The following PNO1 variants were observed in gnomAD, a reference collection of about 807,000 sequenced individuals.
PNO1 encodes partner of NOB1 homolog, also known as RNA-binding protein PNO1.
In PNO1, 16 loss-of-function variants were observed where a neutral mutation model predicts 28.4. That is an observed-to-expected ratio of 0.56 (90% CI 0.38 to 0.85). PNO1 has a LOEUF of 0.85. PNO1 is among the 40% of genes least tolerant of loss of function. The pLI, the probability that PNO1 is intolerant of heterozygous loss-of-function variation, is 0.00. For missense variants in PNO1, 304 were observed against 312.2 expected, an observed-to-expected ratio of 0.97 and a Z score of 0.20; for synonymous variants, 115 against 110.8, an observed-to-expected ratio of 1.04 and a Z score of -0.24.
At chr2:68,166,367 G>T (rs554639693) in intron 5 of PNO1, among the ~76,000 whole-genome samples, 34 of 147,358 alleles carry the variant, frequency 2.3e-4, no homozygotes, top group African/African-American at 8.7e-4. Context: ...ATTATATACT[G>T]TACTCTTTCA....
In PNO1 at chr2:68,174,767, C is replaced by T. The variant is rs1177960446; in HGVS notation, c.724C>T (p.Arg242Ter). 1.2e-6 allele frequency: 2 copies of T among 1,610,076 alleles called. No homozygotes were observed. The highest frequency in any genetic ancestry group is 1.7e-6 in the Non-Finnish European group (2 of 1,176,820). Residue 242 changes from arginine (R) to a stop codon, truncating the protein, a stop_gained, in exon 7 of 7, where the codon CGA becomes TGA. Transcript: ENST00000263657. LOFTEE classifies it high-confidence loss of function. ...TCCTTCCAAGGTTTATGGCAATATT[C>T]GAGCTGTGGCTAGCAGATCAGCAGA... ...NPPSKVYGNI[R>*]AVASRSADRF
At chr2:68,173,286 G>T in intron 5 of PNO1, 61 bp from the exon 6 acceptor site, 1 of 1,019,100 alleles carries the variant, frequency 9.8e-7, no homozygotes, top group Non-Finnish European at 1.6e-6. Flanking sequence ...CAAAGTGCTG[G>T]GATTACAGGT....
chr2:68,161,848 A>G, intron 3 of PNO1, 82 bp downstream of exon 3: 2 of 970,452 alleles, frequency 2.1e-6, no homozygotes, highest in East Asian at 2.5e-5. Context: ...ATTAAAAAAA[A>G]AAAAGGCCAG....
At chr2:68,161,635 C>T (rs1673833544) in intron 2 of PNO1, 48 bp from the exon 3 acceptor site, 2 of 1,142,648 alleles carry the variant, frequency 1.8e-6, no homozygotes. Flanking sequence ...AGGACATTTT[C>T]TGTTTGATTC....
rs191774118 is a variant in PNO1 at position 68,166,802 on chromosome 2, T to C, written c.620+4139T>C. On this transcript the variant is annotated intron_variant, in intron 5 of 6. Coordinates refer to ENST00000263657, the MANE Select transcript of PNO1 (RefSeq NM_020143.4). ...CCTTGTTTTCTGACACTGCTGCTTC[T>C]ACATCATCTTCCTCATCACCCGGCA... 1.6e-3 allele frequency among the ~76,000 whole-genome samples: 241 copies of C among 152,356 alleles called. 1 individual carries two copies. Among genetic ancestry groups the C allele is most frequent in the African/African-American group, 5.2e-3 (215 of 41,592 alleles).
rs1393092962 is a variant in PNO1 at position 68,175,470 on chromosome 2, A to G, written c.*668A>G. On this transcript the variant is annotated 3_prime_UTR_variant, in exon 7 of 7. Coordinates refer to ENST00000263657, the MANE Select transcript of PNO1 (RefSeq NM_020143.4). ...GAGATGGGGTTTCGCCATGTTGACC[A>G]GGCTGGTCTTGAACTCCTGGCCTCA... 6.6e-6 allele frequency: 1 copy of G among 152,554 alleles called. No homozygotes were observed. Among genetic ancestry groups the G allele is most frequent in the African/African-American group, 2.4e-5 (1 of 41,460 alleles). 9.5% of individuals were successfully genotyped at this position (152,554 alleles called of 1,614,324 possible).
chr2:68,162,907 C>G (rs774594845), intron 5 of PNO1, among the ~76,000 whole-genome samples: 37 of 152,258 alleles, frequency 2.4e-4, no homozygotes, highest in African/African-American at 8.7e-4. Flanking sequence ...CACACATTAG[C>G]CTGCAGTTGG....
rs748997118 is a variant in PNO1 at position 68,157,979 on chromosome 2, C to A, written c.45C>A (p.Gly15=). The A allele has an allele frequency of 9.9e-6, 16 of 1,614,024 alleles. No homozygotes were observed. The highest frequency in any genetic ancestry group is 1.4e-5 in the Non-Finnish European group (16 of 1,180,020). Residue 15 remains glycine (G), a synonymous_variant, in exon 1 of 7, where the codon GGC becomes GGA. Transcript: ENST00000263657. ...METQSARAEE[G]FTQVTRKGGR... ...CGCAGAGCGCCAGGGCAGAGGAGGG[C>A]TTTACCCAGGTCACCCGCAAGGGTG...
rs975750985 is a variant in PNO1 at position 68,175,909 on chromosome 2, G to A, written c.*1107G>A. 6.6e-6 allele frequency: 1 copy of A among 152,126 alleles called. No individual in the cohort carries two copies. The highest frequency in any genetic ancestry group is 1.5e-5 in the Non-Finnish European group (1 of 68,020). 9.4% of individuals were successfully genotyped at this position (152,126 alleles called of 1,614,324 possible). Reference sequence around the variant, plus strand: ...CATTAGCCTACAGTTGGGCAAAATCGTCTAATACAAAGCCTATTTTATAAT... The same window carrying A: ...CATTAGCCTACAGTTGGGCAAAATCATCTAATACAAAGCCTATTTTATAAT... On this transcript the variant is annotated 3_prime_UTR_variant, in exon 7 of 7. Coordinates refer to ENST00000263657, the MANE Select transcript of PNO1 (RefSeq NM_020143.4).
chr2:68,171,403 C>T (rs1160200646), intron 5 of PNO1, among the ~76,000 whole-genome samples: 1 of 152,204 alleles, frequency 6.6e-6, no homozygotes, highest in Non-Finnish European at 1.5e-5. Flanking sequence ...CAGAGTTCTG[C>T]TTCTTGATAT....
intron 5 of PNO1, among the ~76,000 whole-genome samples, chr2:68,168,959 C>T (rs1205517429): frequency 7.4e-6 from 1 of 135,006 alleles, no homozygotes; most frequent in African/African-American, 2.7e-5. Flanking sequence ...GATGGAGTCT[C>T]CCTCTATCGC....
rs1674225404 is a variant in PNO1 at position 68,174,650 on chromosome 2, C to G, written c.692-85C>G. ...GTGGTGTCTGTGGGAGTCCTGAAACCAGTCTTCCTTAGACACTGAGGGACA... is the reference window on the plus strand; with the variant it reads ...GTGGTGTCTGTGGGAGTCCTGAAACGAGTCTTCCTTAGACACTGAGGGACA... On this transcript the variant is annotated intron_variant, in intron 6 of 6. Transcript: ENST00000263657. 1.1e-5 allele frequency: 9 copies of G among 839,788 alleles called. No individual in the cohort carries two copies. In the East Asian group the frequency reaches 2.2e-4, roughly 21 times the overall value. 52.0% of individuals were successfully genotyped at this position (839,788 alleles called of 1,614,324 possible).
intron 5 of PNO1, among the ~76,000 whole-genome samples, chr2:68,166,661 A>T (rs1397163288): frequency 6.6e-6 from 1 of 152,186 alleles, no homozygotes; most frequent in Non-Finnish European, 1.5e-5. Context: ...GTAGGGTACC[A>T]ATCCTCTTCC....
chr2:68,159,143 G>T (rs538190361), intron 2 of PNO1, among the ~76,000 whole-genome samples: 95 of 152,212 alleles, frequency 6.2e-4, no homozygotes, highest in Middle Eastern at 6.8e-3. Context: ...GACCACCATG[G>T]TATGAGCGGT....
chr2:68,158,566 C>T lies in PNO1; in HGVS notation c.357+37C>T, dbSNP rs978613002. ...CTCAATCATTTCCCAATACACCAGG[C>T]TTTCTCTCCTACAGAGATGAAAAGG... On this transcript the variant is annotated intron_variant, in intron 2 of 6. Transcript: ENST00000263657. 5 of 1,574,062 alleles carry T rather than the reference C, an allele frequency of 3.2e-6. No individual in the cohort carries two copies. In the African/African-American group the frequency reaches 5.4e-5, roughly 17 times the overall value.
At position 68,165,377 on chromosome 2, in the gene PNO1, A is replaced by AAAAAAAC. The variant is rs1553401401; in HGVS notation, c.620+2716_620+2717insAAAACAA. 4.7e-3 allele frequency among the ~76,000 whole-genome samples: 287 copies of AAAAAAAC among 61,702 alleles called. 4 individuals are homozygous for AAAAAAAC. The highest frequency in any genetic ancestry group is 0.011 in the African/African-American group (181 of 16,870). 40.5% of individuals were successfully genotyped at this position (61,702 alleles called of 152,430 possible). A position where few individuals can be genotyped will look rare whatever the true frequency, so the allele number is the denominator to read the frequency against. ...AGACTCCGTCTCAAAAAAAAAAAAA[A>AAAAAAAC]AACAACAAAAAAAAAAAAACTAGCT... On this transcript the variant is annotated intron_variant, in intron 5 of 6. Coordinates refer to ENST00000263657, the MANE Select transcript of PNO1 (RefSeq NM_020143.4).
rs1331689704 is a variant in PNO1 at position 68,167,385 on chromosome 2, G to C, written c.620+4722G>C. On this transcript the variant is annotated intron_variant, in intron 5 of 6. Transcript: ENST00000263657. ...GATACTTCCTGACTTCAGGGAAAAA[G>C]CATCAATGGAATCAATCCAGAAAAA... Among the ~76,000 whole-genome samples the C allele has an allele frequency of 3.9e-5, 6 of 152,164 alleles. No homozygotes were observed. The East Asian group carries it at 7.7e-4, about 20-fold the overall frequency.
intron 5 of PNO1, among the ~76,000 whole-genome samples, chr2:68,170,557 C>T (rs915806438): frequency 6.6e-6 from 1 of 152,046 alleles, no homozygotes; most frequent in African/African-American, 2.4e-5. Context: ...ACCATCCTGG[C>T]TAACACGGTG....
Position 68,158,078 on chromosome 2 carries a change from C to A in PNO1, c.144C>A (p.Asp48Glu), listed in dbSNP as rs1673713960. 1 of 1,613,472 alleles carries A rather than the reference C, an allele frequency of 6.2e-7. No homozygotes were observed. Residue 48 changes from aspartate (D) to glutamate (E), a missense_variant, in exon 1 of 7, where the codon GAC becomes GAA. Coordinates refer to ENST00000263657, the MANE Select transcript of PNO1 (RefSeq NM_020143.4). Reference protein sequence around the residue: ...AGEGGDAGRMDTEEARPAKRP... With the variant: ...AGEGGDAGRMETEEARPAKRP... ...AGGGCGGGGATGCGGGCCGCATGGA[C>A]ACAGAGGAGGCCAGGCCGGCGAAGA...
Sources: gnomAD v4.1 joint callset for allele counts (sites outside exome capture counted in the v4.1 genomes callset) on GRCh38, gnomAD v4.1.1 for gene constraint, MANE v1.5 for transcripts, NCBI Gene and HGNC (gene_info 2026-07-23, HGNC 2026-07-21) for gene names.